Variants in GAPVD1 observed in about 807,000 individuals in gnomAD.
GAPVD1 encodes the protein GTPase activating protein and VPS9 domains 1.
GAPVD1 carries 35 observed loss-of-function variants against 155.5 expected under a neutral mutation model. The observed-to-expected ratio is 0.23, with a 90% CI of 0.17 to 0.30. GAPVD1 has a LOEUF of 0.30. Among genes scored for constraint, GAPVD1 ranks in the 10% least tolerant of loss-of-function variants. The pLI, the probability that GAPVD1 is intolerant of heterozygous loss-of-function variation, is 1.00. For missense variants in GAPVD1, 1,429 were observed against 1,775.7 expected, an observed-to-expected ratio of 0.80 and a Z score of 3.51; for synonymous variants, 636 against 619.7, an observed-to-expected ratio of 1.03 and a Z score of -0.39.
intron 19 of GAPVD1, among the ~76,000 whole-genome samples, chr9:125,343,162 A>G (rs1028898440): frequency 1.3e-5 from 2 of 151,920 alleles, no homozygotes; most frequent in African/African-American, 4.8e-5. Flanking sequence ...AAGTTCATAA[A>G]CTTAAAACAG....
chr9:125,320,604 T>C (rs1844180686), intron 9 of GAPVD1, among the ~76,000 whole-genome samples: 1 of 152,234 alleles, frequency 6.6e-6, no homozygotes, highest in African/African-American at 2.4e-5. Context: ...TTTAGTATGT[T>C]TAAAAATTTT....
chr9:125,278,601 G>A (rs893583518), intron 2 of GAPVD1, among the ~76,000 whole-genome samples: 2 of 151,342 alleles, frequency 1.3e-5, no homozygotes, highest in Non-Finnish European at 2.9e-5. Flanking sequence ...TTGGGAGGCC[G>A]AGGCAGAAAG....
At chr9:125,300,666 G>A (rs1437737653) in intron 4 of GAPVD1, among the ~76,000 whole-genome samples, 7 of 152,096 alleles carry the variant, frequency 4.6e-5, no homozygotes, top group Admixed American at 3.9e-4. Context: ...GAAAGGGCAC[G>A]TGAAAGCGTT....
At chr9:125,339,130 C>A (rs1386513979) in intron 17 of GAPVD1, among the ~76,000 whole-genome samples, 4 of 152,098 alleles carry the variant, frequency 2.6e-5, no homozygotes, top group African/African-American at 9.7e-5. Context: ...TATAGGCATG[C>A]ACCACATGCC....
chr9:125,262,673 T>C (rs1394008994), intron 1 of GAPVD1, among the ~76,000 whole-genome samples: 2 of 152,210 alleles, frequency 1.3e-5, no homozygotes, highest in East Asian at 1.9e-4. Context: ...TTTAAATTTA[T>C]GACGAAAATC....
chr9:125,333,224 G>A (rs1374482860), intron 15 of GAPVD1, among the ~76,000 whole-genome samples: 1 of 151,798 alleles, frequency 6.6e-6, no homozygotes, highest in Non-Finnish European at 1.5e-5. Flanking sequence ...TGGATTACAG[G>A]CACCCACCAC....
At chr9:125,323,759 G>C (rs1844738331) in intron 10 of GAPVD1, 39 bp from the exon 11 acceptor site, 2 of 1,609,186 alleles carry the variant, frequency 1.2e-6, no homozygotes, top group Non-Finnish European at 1.7e-6. Context: ...GCTCATGACT[G>C]TTTTAAAAAG....
At chr9:125,343,320 A>G (rs1848086507) in intron 19 of GAPVD1, among the ~76,000 whole-genome samples, 1 of 151,950 alleles carries the variant, frequency 6.6e-6, no homozygotes, top group Non-Finnish European at 1.5e-5. Context: ...CCTGGTCTAG[A>G]GGAAAGTTCA....
Position 125,307,777 on chromosome 9 carries a change from G to A in GAPVD1, c.1338G>A (p.Pro446=), listed in dbSNP as rs770521213. The A allele has an allele frequency of 3.7e-6, 6 of 1,613,572 alleles. No individual in the cohort carries two copies. The highest frequency in any genetic ancestry group is 1.3e-5 in the African/African-American group (1 of 74,870). ...ACAATTTATTGGCAAACCTACCCCCGGCCAAGCCAGGAAAAAGTAGCAGTT... is the reference window on the plus strand; with the variant it reads ...ACAATTTATTGGCAAACCTACCCCCAGCCAAGCCAGGAAAAAGTAGCAGTT... ...ALDNLLANLP[P]AKPGKSSSLE... Residue 446 remains proline (P), a synonymous_variant, in exon 8 of 28, where the codon CCG becomes CCA. Transcript: ENST00000297933.
chr9:125,307,934 C>G (rs1399601335), intron 8 of GAPVD1, 54 bp downstream of exon 8: 1 of 1,216,320 alleles, frequency 8.2e-7, no homozygotes, highest in Admixed American at 1.7e-5. Context: ...ATTTCATTAG[C>G]CTTTGTTATT....
At chr9:125,344,278 C>G (rs895961319) in intron 19 of GAPVD1, among the ~76,000 whole-genome samples, 2 of 152,100 alleles carry the variant, frequency 1.3e-5, no homozygotes, top group Admixed American at 1.3e-4. Context: ...GTGGCTTTTT[C>G]TTGACTGAAT....
rs771342958 is a variant in GAPVD1 at position 125,341,171 on chromosome 9, C to G, written c.2878-6C>G. On this transcript the variant is annotated splice_polypyrimidine_tract_variant and splice_region_variant and intron_variant, in intron 17 of 27. Transcript: ENST00000297933. ...CTCCAAATAAAGCCTCCAACTTTTTCTACAGACTGAAGAACGCAAAGATAG... is the reference window on the plus strand; with the variant it reads ...CTCCAAATAAAGCCTCCAACTTTTTGTACAGACTGAAGAACGCAAAGATAG... 4.0e-6 allele frequency: 6 copies of G among 1,517,448 alleles called. No homozygotes were observed. The highest frequency in any genetic ancestry group is 5.5e-6 in the Non-Finnish European group (6 of 1,091,596). 94.0% of individuals were successfully genotyped at this position (1,517,448 alleles called of 1,614,324 possible).
intron 19 of GAPVD1, among the ~76,000 whole-genome samples, chr9:125,342,674 TTTTCTC>T (rs1847983666): frequency 1.3e-5 from 2 of 152,198 alleles, no homozygotes; most frequent in South Asian, 2.1e-4. Context: ...GATTGAATAG[TTTTCTC>T]TAACATTGAT....
intron 3 of GAPVD1, among the ~76,000 whole-genome samples, chr9:125,296,675 T>A (rs948522320): frequency 1.5e-5 from 2 of 137,468 alleles, no homozygotes; most frequent in African/African-American, 5.6e-5. Context: ...TTTCTCCTAT[T>A]TTTTTGGAGA....
At chr9:125,299,635 A>G (rs1035864674) in intron 4 of GAPVD1, among the ~76,000 whole-genome samples, 9 of 151,652 alleles carry the variant, frequency 5.9e-5, no homozygotes, top group Non-Finnish European at 1.3e-4. Context: ...AGCCTGGGCC[A>G]TAGAGCGAGA....
In GAPVD1 at chr9:125,341,187, G is replaced by T; in HGVS notation, c.2888G>T (p.Arg963Leu). 2 of 1,590,098 alleles carry T rather than the reference G, an allele frequency of 1.3e-6. No homozygotes were observed. The highest frequency in any genetic ancestry group is 1.7e-6 in the Non-Finnish European group (2 of 1,157,954). The change falls in exon 18 of 28, where the codon CGC becomes CTC. Residue 963 changes from arginine to leucine, a missense_variant. Arg to Leu is a moderately radical substitution (Grantham distance 102, BLOSUM62 -2). Around this residue, in one of 4 missense-constraint regions of GAPVD1, gnomAD observed 699 missense variants for 826.0 expected, o/e 0.85. Transcript: ENST00000297933. ...KDSSRGETEE[R>L]KDSDDEKSDR... Reference sequence around the variant, plus strand: ...CAACTTTTTCTACAGACTGAAGAACGCAAAGATAGCGATGATGAGAAATCA... The same window carrying T: ...CAACTTTTTCTACAGACTGAAGAACTCAAAGATAGCGATGATGAGAAATCA...
intron 2 of GAPVD1, among the ~76,000 whole-genome samples, chr9:125,272,987 T>C (rs956106163): frequency 6.6e-6 from 1 of 152,178 alleles, no homozygotes; most frequent in Non-Finnish European, 1.5e-5. Flanking sequence ...GCTTAGTTTA[T>C]CCAGGGAACC....
intron 9 of GAPVD1, among the ~76,000 whole-genome samples, chr9:125,317,045 C>T (rs995085770): frequency 7.9e-5 from 12 of 152,198 alleles, no homozygotes; most frequent in East Asian, 3.9e-4. Flanking sequence ...ATGGGCCAGG[C>T]GCAGTGGTTC....
At chr9:125,298,282 A>C (rs1176802854) in intron 3 of GAPVD1, among the ~76,000 whole-genome samples, 1 of 152,178 alleles carries the variant, frequency 6.6e-6, no homozygotes, top group Non-Finnish European at 1.5e-5. Context: ...TCTGGGGTTA[A>C]CAAATAGACA....
Sources: gnomAD v4.1 joint callset for allele counts (sites outside exome capture counted in the v4.1 genomes callset) on GRCh38, gnomAD v4.1.1 for gene constraint, gnomAD v4.1.1 regional missense constraint, MANE v1.5 for transcripts, NCBI Gene and HGNC (gene_info 2026-07-23, HGNC 2026-07-21) for gene names.